Variants in NDNF observed in about 807,000 individuals in gnomAD.
The protein encoded by NDNF is neuron derived neurotrophic factor, also known as protein NDNF.
Under a neutral mutation model 42.0 loss-of-function variants are expected in NDNF, and 16 were observed. That is an observed-to-expected ratio of 0.38 (90% CI 0.26 to 0.58). The LOEUF is 0.58. Among genes scored for constraint, NDNF ranks in the 20% least tolerant of loss-of-function variants. NDNF has a pLI of 0.67. For synonymous variants in NDNF, 248 were observed against 251.7 expected, an observed-to-expected ratio of 0.99 and a Z score of 0.14; for missense variants, 616 against 666.2, an observed-to-expected ratio of 0.92 and a Z score of 0.83.
chr4:121,045,384 A>G lies in NDNF; in HGVS notation c.188+266T>C, dbSNP rs182951497. ...AAAAAAAAAAAATCCTCCTGTACTGAAAAGAAGAAAATAATCATTCCAAAA... is the reference window on the plus strand; with the variant it reads ...AAAAAAAAAAAATCCTCCTGTACTGGAAAGAAGAAAATAATCATTCCAAAA... On this transcript the variant is annotated intron_variant, in intron 2 of 3. Transcript: ENST00000379692. Among the ~76,000 whole-genome samples the G allele has an allele frequency of 3.5e-3, 525 of 152,052 alleles. 2 individuals are homozygous for G. Among genetic ancestry groups the G allele is most frequent in the Non-Finnish European group, 6.3e-3 (431 of 67,956 alleles).
chr4:121,063,691 G>C (rs1044668367), intron 1 of NDNF, among the ~76,000 whole-genome samples: 3 of 152,078 alleles, frequency 2.0e-5, no homozygotes, highest in Non-Finnish European at 4.4e-5. Flanking sequence ...ATGGTGATTG[G>C]GGGTGTCGGG....
Position 121,037,071 on chromosome 4 carries a change from G to A in NDNF, c.900C>T (p.Thr300=), listed in dbSNP as rs781469160. 213 of 1,613,698 alleles carry A rather than the reference G, an allele frequency of 1.3e-4. 1 individual carries two copies. The highest frequency in any genetic ancestry group is 3.5e-4 in the Admixed American group (21 of 59,960). Residue 300 remains threonine, a synonymous_variant, in exon 4 of 4, where the codon ACC becomes ACT. Transcript: ENST00000379692. ...KICIGNKNIF[T]VSDLKPDTQY... Reference sequence around the variant, plus strand: ...GCGTGTCGGGTTTCAGATCAGAGACGGTGAAGATGTTCTTGTTTCCTATGC... The same window carrying A: ...GCGTGTCGGGTTTCAGATCAGAGACAGTGAAGATGTTCTTGTTTCCTATGC...
intron 1 of NDNF, among the ~76,000 whole-genome samples, chr4:121,067,888 T>C (rs1222757187): frequency 6.6e-6 from 1 of 152,220 alleles, no homozygotes; most frequent in Admixed American, 6.5e-5. Context: ...GTGTGGATAT[T>C]GCTTCTTTGG....
intron 1 of NDNF, chr4:121,061,561 G>A (rs1727409025): frequency 6.6e-6 from 1 of 152,214 alleles, no homozygotes. Context: ...ATAGCTCAAT[G>A]TCTCAGGTGA....
chr4:121,038,376 TAAAATAAAATAAAATAAAAC>T (rs1404178338), intron 3 of NDNF, among the ~76,000 whole-genome samples: 16 of 141,056 alleles, frequency 1.1e-4, no homozygotes, highest in Admixed American at 5.2e-4. Flanking sequence ...TAAAATAAAA[TAAAATAAAATAAAATAAAAC>T]AAAACAAAAC....
At chr4:121,051,238 C>T (rs1727189237) in intron 1 of NDNF, among the ~76,000 whole-genome samples, 1 of 152,116 alleles carries the variant, frequency 6.6e-6, no homozygotes, top group Non-Finnish European at 1.5e-5. Context: ...TGCTTCTCCC[C>T]TTCATTTCCT....
intron 1 of NDNF, among the ~76,000 whole-genome samples, chr4:121,058,031 A>G (rs1162639328): frequency 6.6e-6 from 1 of 152,186 alleles, no homozygotes; most frequent in East Asian, 1.9e-4. Context: ...TTATTTTTTT[A>G]TTTTTCTTGT....
intron 1 of NDNF, among the ~76,000 whole-genome samples, chr4:121,069,179 A>C (rs999700122): frequency 6.6e-6 from 1 of 152,236 alleles, no homozygotes; most frequent in African/African-American, 2.4e-5. Context: ...AAGTCTCTAC[A>C]TTAAGCTGAC....
rs1426416047 is a variant in NDNF, at chr4:121,045,813, G to A, written c.25C>T (p.Leu9=). The change falls in exon 2 of 4, where the codon CTG becomes TTG. Residue 9 remains leucine, a synonymous_variant. Coordinates refer to ENST00000379692, the MANE Select transcript of NDNF (RefSeq NM_024574.4). ...GAGCTGAGTGGAAACAGGAGCCACA[G>A]CAGGCACCAGTGGAGCAGCACCATC... The part of the protein sequence containing the change: MVLLHWCL[L]WLLFPLSSRT... 6.2e-7 allele frequency: 1 copy of A among 1,614,004 alleles called. No individual in the cohort carries two copies. Among genetic ancestry groups the A allele is most frequent in the African/African-American group, 1.3e-5 (1 of 74,922 alleles).
intron 3 of NDNF, among the ~76,000 whole-genome samples, chr4:121,039,416 C>T (rs1726957060): frequency 6.6e-6 from 1 of 151,520 alleles, no homozygotes; most frequent in Admixed American, 6.6e-5. Context: ...ATCCTACTAA[C>T]TTTGTTTTCA....
intron 1 of NDNF, among the ~76,000 whole-genome samples, chr4:121,046,507 A>G (rs1190247956): frequency 6.6e-6 from 1 of 152,178 alleles, no homozygotes; most frequent in Non-Finnish European, 1.5e-5. Flanking sequence ...AGATTAAGCA[A>G]TTTGTCCAGA....
chr4:121,036,177 C>G lies in NDNF; in HGVS notation c.*87G>C. The G allele has an allele frequency of 9.2e-7, 1 of 1,087,962 alleles. No individual in the cohort carries two copies. The highest frequency in any genetic ancestry group is 1.3e-6 in the Non-Finnish European group (1 of 747,836). 67.4% of individuals were successfully genotyped at this position (1,087,962 alleles called of 1,614,324 possible). A position where few individuals can be genotyped will look rare whatever the true frequency, so the allele number is the denominator to read the frequency against. ...AGTACAAGTACAGGTCACAACTTCTCTCAACTGTGGGAGTAGTCAGTTTAT... is the reference window on the plus strand; with the variant it reads ...AGTACAAGTACAGGTCACAACTTCTGTCAACTGTGGGAGTAGTCAGTTTAT... On this transcript the variant is annotated 3_prime_UTR_variant, in exon 4 of 4. Coordinates refer to ENST00000379692, the MANE Select transcript of NDNF (RefSeq NM_024574.4).
At chr4:121,057,668 A>G (rs1727320775) in intron 1 of NDNF, among the ~76,000 whole-genome samples, 1 of 152,240 alleles carries the variant, frequency 6.6e-6, no homozygotes, top group Non-Finnish European at 1.5e-5. Context: ...GGAGCTCAGC[A>G]ACATAAAGGC....
intron 1 of NDNF, among the ~76,000 whole-genome samples, chr4:121,057,217 G>A (rs1270183465): frequency 2.0e-5 from 3 of 152,158 alleles, no homozygotes; most frequent in African/African-American, 7.2e-5. Flanking sequence ...TGGGGAAGAA[G>A]GGGCCCTTCT....
At chr4:121,051,311 G>T (rs1727190152) in intron 1 of NDNF, among the ~76,000 whole-genome samples, 1 of 152,148 alleles carries the variant, frequency 6.6e-6, no homozygotes, top group Non-Finnish European at 1.5e-5. Context: ...GCAAGGAGTA[G>T]GGAGTGGAGC....
At chr4:121,064,666 G>A (rs1322035175) in intron 1 of NDNF, among the ~76,000 whole-genome samples, 1 of 152,106 alleles carries the variant, frequency 6.6e-6, no homozygotes, top group African/African-American at 2.4e-5. Context: ...CTCTCACTCA[G>A]TAATGTGTGG....
At chr4:121,051,739 G>T (rs1249152143) in intron 1 of NDNF, among the ~76,000 whole-genome samples, 1 of 152,142 alleles carries the variant, frequency 6.6e-6, no homozygotes, top group African/African-American at 2.4e-5. Flanking sequence ...CTTTGAAATT[G>T]TATGAACAGT....
At chr4:121,054,815 C>A (rs756260203) in intron 1 of NDNF, among the ~76,000 whole-genome samples, 4 of 152,098 alleles carry the variant, frequency 2.6e-5, no homozygotes, top group Non-Finnish European at 5.9e-5. Context: ...CTGTTCTAAG[C>A]GTGTTGGGAA....
Position 121,039,184 on chromosome 4 carries a change from GTGTGTGTGTATATATA to G in NDNF, c.313+730_313+745del, listed in dbSNP as rs1389225570. On this transcript the variant is annotated intron_variant, in intron 3 of 3. Transcript: ENST00000379692. ...ATATATATATATAAAGACTATGTGT[GTGTGTGTGTATATATA>G]TATATATATATATATATATATATAT... 2.3e-3 allele frequency among the ~76,000 whole-genome samples: 37 copies of G among 15,848 alleles called. 1 individual carries two copies. In the South Asian group the frequency reaches 0.029, roughly 12 times the overall value. The allele number at this position is 15,848 out of a possible 152,430, so 10.4% of individuals were successfully genotyped here.
Sources: gnomAD v4.1 joint callset for allele counts (sites outside exome capture counted in the v4.1 genomes callset) on GRCh38, gnomAD v4.1.1 for gene constraint, MANE v1.5 for transcripts, NCBI Gene and HGNC (gene_info 2026-07-23, HGNC 2026-07-21) for gene names.